The following SPOPL variants were observed in gnomAD, a reference collection of about 807,000 sequenced individuals.
The protein encoded by SPOPL is speckle type BTB/POZ protein like.
In SPOPL, 23 loss-of-function variants were observed where a neutral mutation model predicts 53.8. The observed-to-expected ratio is 0.43, with a 90% CI of 0.31 to 0.61. The LOEUF is 0.61. Ranked by LOEUF, SPOPL falls within the 20% of genes least tolerant of loss-of-function variation. The pLI, the probability that SPOPL is intolerant of heterozygous loss-of-function variation, is 0.12. For synonymous variants in SPOPL, 164 were observed against 149.7 expected (o/e 1.10, Z -0.70); for missense variants, 442 against 466.9 (o/e 0.95, Z 0.49).
chr2:138,561,215 C>T (rs574774888), intron 8 of SPOPL, among the ~76,000 whole-genome samples: 3 of 152,008 alleles, frequency 2.0e-5, no homozygotes, highest in South Asian at 2.1e-4. Flanking sequence ...CACACAGTGA[C>T]ATATATAATT....
At chr2:138,517,465 G>A (rs1190653751) in intron 1 of SPOPL, among the ~76,000 whole-genome samples, 1 of 152,160 alleles carries the variant, frequency 6.6e-6, no homozygotes, top group Non-Finnish European at 1.5e-5. Flanking sequence ...TTCTTGCCGG[G>A]TGCGGTGACT....
chr2:138,535,665 A>G (rs552165812), intron 1 of SPOPL, among the ~76,000 whole-genome samples: 4 of 144,828 alleles, frequency 2.8e-5, no homozygotes, highest in East Asian at 2.1e-4. Flanking sequence ...TTAAATGTGT[A>G]TATTATTGCT....
intron 1 of SPOPL, among the ~76,000 whole-genome samples, chr2:138,519,478 C>T (rs965766982): frequency 6.0e-5 from 9 of 150,760 alleles, no homozygotes; most frequent in African/African-American, 2.2e-4. Context: ...TTCTGTGTTT[C>T]AGTTTCCCTA....
intron 1 of SPOPL, among the ~76,000 whole-genome samples, chr2:138,547,219 G>T (rs1685215037): frequency 6.6e-6 from 1 of 152,176 alleles, no homozygotes; most frequent in Non-Finnish European, 1.5e-5. Context: ...GCTTGCCTCA[G>T]CCTCCCAAAG....
chr2:138,539,400 C>T (rs1685012086), intron 1 of SPOPL, among the ~76,000 whole-genome samples: 2 of 152,098 alleles, frequency 1.3e-5, no homozygotes, highest in African/African-American at 4.8e-5. Context: ...TCCACATCCT[C>T]TCCAGCACCT....
intron 1 of SPOPL, among the ~76,000 whole-genome samples, chr2:138,548,873 C>G (rs1200392508): frequency 6.6e-6 from 1 of 152,068 alleles, no homozygotes; most frequent in African/African-American, 2.4e-5. Flanking sequence ...TCTTTCAGTA[C>G]ATTTATTTAA....
chr2:138,545,950 A>G (rs181381405), intron 1 of SPOPL, among the ~76,000 whole-genome samples: 109 of 152,320 alleles, frequency 7.2e-4, no homozygotes, highest in African/African-American at 2.5e-3. Flanking sequence ...CAAGAAATTT[A>G]TTGGTATGAT....
intron 1 of SPOPL, among the ~76,000 whole-genome samples, chr2:138,543,160 C>A (rs967498085): frequency 5.9e-5 from 9 of 152,158 alleles, no homozygotes; most frequent in Non-Finnish European, 1.2e-4. Flanking sequence ...TCTCTGGCTG[C>A]CTTAACATTT....
chr2:138,567,372 AGTGTGTGTGTG>A (rs1406601812), intron 10 of SPOPL, among the ~76,000 whole-genome samples: 1 of 112,972 alleles, frequency 8.9e-6, no homozygotes, highest in Non-Finnish European at 1.8e-5. Context: ...AGAGCAGTAT[AGTGTGTGTGTG>A]TGTGTGTGTG....
chr2:138,503,047 G>T (rs1310888150), intron 1 of SPOPL, among the ~76,000 whole-genome samples: 1 of 152,142 alleles, frequency 6.6e-6, no homozygotes, highest in African/African-American at 2.4e-5. Flanking sequence ...ACTTGCAATT[G>T]AATCCACTGT....
At chr2:138,550,688 T>A (rs1685295369) in intron 3 of SPOPL, 84 bp downstream of exon 3, 1 of 1,514,656 alleles carries the variant, frequency 6.6e-7, no homozygotes, top group Non-Finnish European at 8.9e-7. Flanking sequence ...TCATTTTTCC[T>A]GAATGAGTAT....
In SPOPL at chr2:138,560,789, T is replaced by A; in HGVS notation, c.715-16T>A. 6.4e-7 allele frequency: 1 copy of A among 1,568,524 alleles called. No individual in the cohort carries two copies. The highest frequency in any genetic ancestry group is 8.6e-7 in the Non-Finnish European group (1 of 1,166,120). On this transcript the variant is annotated splice_polypyrimidine_tract_variant and intron_variant, in intron 7 of 10. Coordinates refer to ENST00000280098, the MANE Select transcript of SPOPL (RefSeq NM_001001664.3). The stretch of plus-strand genomic sequence containing the variant: ...TTTTTTTTTTTTAACATTTTTGTGT[T>A]GTTTTTCGATATCAGAATCGAGTGG...
rs539074431 is a variant in SPOPL at position 138,537,982 on chromosome 2, T to G, written c.-60-12175T>G. ...GGGTCTGTTCACATTTTCGGTTTCC[T>G]CTTGAGTCAGTTTTGGTAGTTCCAC... On this transcript the variant is annotated intron_variant, in intron 1 of 10. Transcript: ENST00000280098. Among the ~76,000 whole-genome samples, 219 of 152,356 alleles carry G rather than the reference T, an allele frequency of 1.4e-3. 1 individual carries two copies. Among genetic ancestry groups the G allele is most frequent in the Admixed American group, 2.7e-3 (42 of 15,304 alleles).
At chr2:138,538,939 C>T (rs761779415) in intron 1 of SPOPL, among the ~76,000 whole-genome samples, 4 of 152,160 alleles carry the variant, frequency 2.6e-5, no homozygotes, top group Admixed American at 1.3e-4. Flanking sequence ...TGATGTTCCC[C>T]TTCCTGTGTT....
chr2:138,556,599 A>C (rs1685429211), intron 5 of SPOPL, among the ~76,000 whole-genome samples: 1 of 152,174 alleles, frequency 6.6e-6, no homozygotes, highest in Non-Finnish European at 1.5e-5. Context: ...ATTAGGTTAT[A>C]ATGTGTAGTA....
rs367619663 is a variant in SPOPL at position 138,559,799 on chromosome 2, T to A, written c.714+462T>A. ...CTTCCCCAGATGTTTCTCTTTTACTTGTCATCATGAAATGTAATTATGTTA... is the reference window on the plus strand; with the variant it reads ...CTTCCCCAGATGTTTCTCTTTTACTAGTCATCATGAAATGTAATTATGTTA... On this transcript the variant is annotated intron_variant, in intron 7 of 10. Coordinates refer to ENST00000280098, the MANE Select transcript of SPOPL (RefSeq NM_001001664.3). Among the ~76,000 whole-genome samples the A allele has an allele frequency of 1.1e-3, 165 of 152,332 alleles. 4 individuals carry two copies. The South Asian group carries it at 0.034, about 31-fold the overall frequency.
chr2:138,538,086 T>C (rs1158251379), intron 1 of SPOPL, among the ~76,000 whole-genome samples: 3 of 152,234 alleles, frequency 2.0e-5, no homozygotes, highest in Non-Finnish European at 4.4e-5. Flanking sequence ...ATACTTTGTA[T>C]AATTTAAATT....
chr2:138,564,064 TAGTGATAG>T (rs1685607573), intron 8 of SPOPL, among the ~76,000 whole-genome samples: 1 of 152,202 alleles, frequency 6.6e-6, no homozygotes, highest in African/African-American at 2.4e-5. Context: ...GACTAATCTA[TAGTGATAG>T]AAAGCATATC....
At chr2:138,563,120 A>G (rs1349437023) in intron 8 of SPOPL, among the ~76,000 whole-genome samples, 5 of 152,216 alleles carry the variant, frequency 3.3e-5, no homozygotes, top group African/African-American at 4.8e-5. Flanking sequence ...TAAGAAAACA[A>G]TGTTATTTCT....
Sources: allele counts gnomAD v4.1 joint callset (sites outside exome capture counted in the v4.1 genomes callset), GRCh38; gene constraint gnomAD v4.1.1; transcripts MANE v1.5; gene names NCBI Gene and HGNC (gene_info 2026-07-23, HGNC 2026-07-21).